The following CNTN5 variants were observed in gnomAD, a reference collection of about 807,000 sequenced individuals.
CNTN5 encodes the protein contactin 5.
CNTN5 carries 77 observed loss-of-function variants against 129.1 expected under a neutral mutation model. The observed-to-expected ratio is 0.60, with a 90% CI of 0.50 to 0.72. CNTN5 has a LOEUF of 0.72. Ranked by LOEUF, CNTN5 falls within the 30% of genes least tolerant of loss-of-function variation. The pLI is 0.00. For missense variants in CNTN5, 1,478 were observed against 1,328.8 expected (o/e 1.11, Z -1.75); for synonymous variants, 509 against 465.6 (o/e 1.09, Z -1.20).
At chr11:100,093,151 G>C (rs1944861394) in intron 13 of CNTN5, among the ~76,000 whole-genome samples, 1 of 152,108 alleles carries the variant, frequency 6.6e-6, no homozygotes, top group Non-Finnish European at 1.5e-5. Context: ...GACAACAAGA[G>C]TGGCTATTTC....
At chr11:100,067,622 A>G (rs776725315) in intron 10 of CNTN5, among the ~76,000 whole-genome samples, 16 of 152,136 alleles carry the variant, frequency 1.1e-4, no homozygotes, top group Non-Finnish European at 2.2e-4. Context: ...TCTGTCTTTT[A>G]TCTGCCAATA....
intron 3 of CNTN5, among the ~76,000 whole-genome samples, chr11:99,586,200 C>A (rs1281831442): frequency 1.3e-5 from 2 of 151,980 alleles, no homozygotes; most frequent in Admixed American, 1.3e-4. Context: ...ACTGATTAAC[C>A]CACTTCAATC....
At chr11:99,524,014 T>G (rs984449925) in intron 2 of CNTN5, among the ~76,000 whole-genome samples, 1 of 152,338 alleles carries the variant, frequency 6.6e-6, no homozygotes, top group African/African-American at 2.4e-5. Context: ...TTTCTTTTTT[T>G]TCTGGCTGAA....
chr11:100,133,000 G>A (rs1185297472), intron 13 of CNTN5, among the ~76,000 whole-genome samples: 1 of 151,692 alleles, frequency 6.6e-6, no homozygotes, highest in Non-Finnish European at 1.5e-5. Flanking sequence ...AATTATTCAG[G>A]CCTTTATAAA....
chr11:99,870,204 A>AT lies in CNTN5; in HGVS notation c.577+24951dup, dbSNP rs202062137. On this transcript the variant is annotated intron_variant, in intron 6 of 24. Transcript: ENST00000524871. ...TAGCATGAAGAAGAAGAAAGACGTG[A>AT]TTTTTTTTTAACTGAAGGCAAAAGG... Among the ~76,000 whole-genome samples, 302 of 151,674 alleles carry AT rather than the reference A, an allele frequency of 2.0e-3. 5 individuals carry two copies. Among genetic ancestry groups the AT allele is most frequent in the Non-Finnish European group, 2.7e-3 (185 of 67,840 alleles).
intron 6 of CNTN5, among the ~76,000 whole-genome samples, chr11:99,860,724 G>A (rs1948177429): frequency 6.6e-6 from 1 of 152,090 alleles, no homozygotes; most frequent in Admixed American, 6.6e-5. Flanking sequence ...TTGAAGTCAA[G>A]TACTGTGATA....
intron 3 of CNTN5, among the ~76,000 whole-genome samples, chr11:99,582,258 A>G (rs945056666): frequency 6.6e-6 from 1 of 151,850 alleles, no homozygotes; most frequent in Non-Finnish European, 1.5e-5. Context: ...TGCCCTTAAC[A>G]TTTTTTCCTT....
intron 13 of CNTN5, among the ~76,000 whole-genome samples, chr11:100,089,398 T>C (rs1257238773): frequency 6.6e-6 from 1 of 152,112 alleles, no homozygotes; most frequent in East Asian, 1.9e-4. Flanking sequence ...ATTAAAAAGT[T>C]ATAAAACAAT....
intron 3 of CNTN5, among the ~76,000 whole-genome samples, chr11:99,582,305 T>C (rs1949632971): frequency 6.6e-6 from 1 of 152,212 alleles, no homozygotes. Context: ...TTATGTGTCT[T>C]GGAGTTGCTC....
intron 9 of CNTN5, among the ~76,000 whole-genome samples, chr11:100,023,307 AC>A (rs1369644386): frequency 6.6e-6 from 1 of 152,176 alleles, no homozygotes; most frequent in Non-Finnish European, 1.5e-5. Context: ...GTTTTATCAG[AC>A]AGTGAAATTT....
intron 1 of CNTN5, among the ~76,000 whole-genome samples, chr11:99,178,314 C>CCACACACACA (rs71046672): frequency 1.1e-4 from 14 of 125,574 alleles, no homozygotes; most frequent in African/African-American, 2.1e-4. Context: ...GACCTCATCT[C>CCACACACACA]CACACACACA....
intron 2 of CNTN5, among the ~76,000 whole-genome samples, chr11:99,381,256 G>T (rs1037294832): frequency 1.3e-5 from 2 of 152,182 alleles, no homozygotes; most frequent in African/African-American, 2.4e-5. Context: ...TTAGGTGAGG[G>T]AATGGGGGGA....
At chr11:99,242,784 C>G (rs995236639) in intron 1 of CNTN5, among the ~76,000 whole-genome samples, 2 of 152,086 alleles carry the variant, frequency 1.3e-5, no homozygotes, top group African/African-American at 4.8e-5. Flanking sequence ...TGGCCTCCAG[C>G]TCCATTCATG....
chr11:99,195,822 ATGTC>A (rs1858873208), intron 1 of CNTN5, among the ~76,000 whole-genome samples: 1 of 152,024 alleles, frequency 6.6e-6, no homozygotes, highest in East Asian at 1.9e-4. Context: ...GTTAGTAAGT[ATGTC>A]TATTTTTAAA....
At chr11:100,205,304 A>G (rs1004573262) in intron 15 of CNTN5, among the ~76,000 whole-genome samples, 2 of 152,076 alleles carry the variant, frequency 1.3e-5, no homozygotes, top group East Asian at 3.9e-4. Flanking sequence ...TCAGCTTTTC[A>G]GAATCCTCTA....
chr11:100,270,619 G>A (rs1950391293), intron 17 of CNTN5, among the ~76,000 whole-genome samples: 1 of 152,154 alleles, frequency 6.6e-6, no homozygotes, highest in African/African-American at 2.4e-5. Context: ...AGAATTCAAT[G>A]TTTCTACTCA....
Position 99,248,248 on chromosome 11 carries a change from C to T in CNTN5, c.-209-77098C>T, listed in dbSNP as rs192697298. Among the ~76,000 whole-genome samples, 830 of 152,178 alleles carry T rather than the reference C, an allele frequency of 5.5e-3. 7 individuals are homozygous for T. The highest frequency in any genetic ancestry group is 5.7e-3 in the Non-Finnish European group (386 of 68,004). On this transcript the variant is annotated intron_variant, in intron 1 of 24. Coordinates refer to ENST00000524871, the MANE Select transcript of CNTN5 (RefSeq NM_014361.4). ...CATTTTTTCATGTGTCTTTTGGGTG[C>T]GTAAATGTCTTCTTTTGAGAAGTGT...
intron 7 of CNTN5, among the ~76,000 whole-genome samples, chr11:99,931,290 CTT>C (rs939881661): frequency 2.6e-4 from 40 of 152,254 alleles, no homozygotes; most frequent in African/African-American, 9.6e-4. Flanking sequence ...GTTTCAGAGT[CTT>C]TAGTTTTTTA....
chr11:99,463,413 G>A (rs1470646771), intron 2 of CNTN5, among the ~76,000 whole-genome samples: 11 of 134,436 alleles, frequency 8.2e-5, no homozygotes, highest in African/African-American at 1.9e-4. Context: ...ACTCCAACCT[G>A]GGCAACAGAG....
Sources: gnomAD v4.1 joint callset for allele counts (sites outside exome capture counted in the v4.1 genomes callset) on GRCh38, gnomAD v4.1.1 for gene constraint, MANE v1.5 for transcripts, NCBI Gene and HGNC (gene_info 2026-07-23, HGNC 2026-07-21) for gene names.